QTMAN: variants seen among roughly 807,000 people sequenced by gnomAD.
QTMAN encodes the protein queuosine-tRNA mannosyltransferase.
the QTMAN span, among the ~76,000 whole-genome samples, chr2:144,261,297 G>A: frequency 6.6e-6 from 1 of 152,012 alleles, no homozygotes; most frequent in Non-Finnish European, 1.5e-5. Context: ...GGAACCACCA[G>A]ATTAAATTAT....
chr2:144,275,856 AAT>A, the QTMAN span, among the ~76,000 whole-genome samples: 4 of 150,762 alleles, frequency 2.7e-5, no homozygotes, highest in Non-Finnish European at 4.4e-5. Context: ...AGAAGGCCTG[AAT>A]ATATATATAT....
chr2:144,132,120 C>T, the QTMAN span, among the ~76,000 whole-genome samples: 126 of 151,934 alleles, frequency 8.3e-4, no homozygotes, highest in Non-Finnish European at 1.6e-3. Flanking sequence ...AGATTAAAAA[C>T]TCTGTCTTAT....
At chr2:144,249,959 T>C in the QTMAN span, among the ~76,000 whole-genome samples, 11 of 152,198 alleles carry the variant, frequency 7.2e-5, no homozygotes, top group African/African-American at 2.6e-4. Context: ...ATCTAAAATA[T>C]AGAAAGCAGA....
the QTMAN span, among the ~76,000 whole-genome samples, chr2:144,259,277 G>T: frequency 6.6e-6 from 1 of 152,148 alleles, no homozygotes; most frequent in Non-Finnish European, 1.5e-5. Context: ...TCTCGCCTCA[G>T]CCTCCTCAGA....
At chr2:144,104,263 G>C in the QTMAN span, among the ~76,000 whole-genome samples, 10 of 152,164 alleles carry the variant, frequency 6.6e-5, no homozygotes, top group Non-Finnish European at 1.5e-4. Context: ...AGTGGGGGCA[G>C]AACAGTGGGT....
the QTMAN span, chr2:143,945,204 C>A: frequency 6.6e-6 from 1 of 152,114 alleles, no homozygotes; most frequent in Non-Finnish European, 1.5e-5. Context: ...ATATTTATAT[C>A]TTTAGTTTTG....
the QTMAN span, chr2:144,332,506 A>T: frequency 6.8e-6 from 1 of 147,054 alleles, no homozygotes; most frequent in African/African-American, 2.5e-5. Context: ...CGACGCGCTG[A>T]CGCCGTGCCC....
the QTMAN span, among the ~76,000 whole-genome samples, chr2:144,230,490 A>G: frequency 6.6e-6 from 1 of 152,264 alleles, no homozygotes; most frequent in East Asian, 1.9e-4. Context: ...CTAGGCCACC[A>G]TTCAATAGAA....
chr2:144,311,449 A>G, the QTMAN span, among the ~76,000 whole-genome samples: 1 of 152,234 alleles, frequency 6.6e-6, no homozygotes, highest in African/African-American at 2.4e-5. Flanking sequence ...CTCATAAAGG[A>G]AGACACATTG....
the QTMAN span, among the ~76,000 whole-genome samples, chr2:144,046,191 G>C: frequency 6.6e-6 from 1 of 152,148 alleles, no homozygotes; most frequent in African/African-American, 2.4e-5. Context: ...AGGATGAATA[G>C]ATTTGATATT....
chr2:144,116,306 G>C, the QTMAN span, among the ~76,000 whole-genome samples: 1 of 131,502 alleles, frequency 7.6e-6, no homozygotes, highest in South Asian at 2.9e-4. Context: ...GGGGTGGGGG[G>C]GTGGGGGGGA....
chr2:144,204,337 T>A, the QTMAN span, among the ~76,000 whole-genome samples: 1 of 152,144 alleles, frequency 6.6e-6, no homozygotes, highest in Non-Finnish European at 1.5e-5. Flanking sequence ...GCGAAGGATA[T>A]GAACAGACAC....
chr2:144,095,830 T>C, the QTMAN span, among the ~76,000 whole-genome samples: 4 of 152,186 alleles, frequency 2.6e-5, no homozygotes, highest in Non-Finnish European at 5.9e-5. Context: ...GCTTTATTAA[T>C]ATTAAAGATA....
the QTMAN span, chr2:144,007,584 A>G: frequency 7.7e-7 from 1 of 1,301,088 alleles, no homozygotes; most frequent in African/African-American, 1.5e-5. Context: ...AAAAATATGT[A>G]AAATTTGTCC....
At chr2:144,244,123 T>C in the QTMAN span, among the ~76,000 whole-genome samples, 1 of 152,192 alleles carries the variant, frequency 6.6e-6, no homozygotes, top group Non-Finnish European at 1.5e-5. Context: ...CATCACAAGT[T>C]TGATCAAGCA....
the QTMAN span, among the ~76,000 whole-genome samples, chr2:144,123,850 C>T: frequency 1.1e-4 from 16 of 151,734 alleles, no homozygotes; most frequent in East Asian, 1.9e-4. Context: ...GATACCAGTG[C>T]GTAATAAGAG....
chr2:144,182,643 CAAAAA>C, the QTMAN span, among the ~76,000 whole-genome samples: 1 of 34,978 alleles, frequency 2.9e-5, no homozygotes, highest in African/African-American at 9.4e-5. Flanking sequence ...GACTCCGTCT[CAAAAA>C]AAAAAAAAAA....
the QTMAN span, among the ~76,000 whole-genome samples, chr2:144,084,658 C>T: frequency 2.0e-5 from 3 of 152,124 alleles, no homozygotes. Flanking sequence ...CATCCTATGT[C>T]TCCCCCAAGT....
the QTMAN span, among the ~76,000 whole-genome samples, chr2:144,099,501 G>T: frequency 1.3e-5 from 2 of 152,176 alleles, no homozygotes; most frequent in African/African-American, 4.8e-5. Context: ...GGAAAAACAA[G>T]TATTCAAGCA....
Sources: allele counts gnomAD v4.1 joint callset (sites outside exome capture counted in the v4.1 genomes callset), GRCh38; gene constraint gnomAD v4.1.1; transcripts MANE v1.5; gene names NCBI Gene and HGNC (gene_info 2026-07-23, HGNC 2026-07-21).